The following ROBO1 variants were observed in gnomAD, a reference collection of about 807,000 sequenced individuals.
The protein encoded by ROBO1 is roundabout homolog 1.
In ROBO1, 149 loss-of-function variants were observed where a neutral mutation model predicts 195.9. The observed-to-expected ratio is 0.76, with a 90% confidence interval of 0.67 to 0.87. The LOEUF is 0.87. ROBO1 is among the 40% of genes least tolerant of loss of function. The probability of loss-of-function intolerance (pLI) is 0.00; values close to 1 mark genes in which losing one functional copy is unlikely to be tolerated. For synonymous variants in ROBO1, 816 were observed against 733.2 expected (o/e 1.11, Z -1.82); for missense variants, 1,933 against 2,068.3 (o/e 0.93, Z 1.27).
chr3:79,039,801 C>CAAA lies in ROBO1; in HGVS notation c.172+85652_172+85654dup, dbSNP rs1214691931. 1.4e-4 allele frequency among the ~76,000 whole-genome samples: 7 copies of CAAA among 51,320 alleles called. 1 individual carries two copies. Among genetic ancestry groups the CAAA allele is most frequent in the African/African-American group, 1.7e-4 (2 of 11,756 alleles). The allele number at this position is 51,320 out of a possible 152,430, so 33.7% of individuals were successfully genotyped here. On this transcript the variant is annotated intron_variant, in intron 3 of 30. Coordinates refer to ENST00000464233, the MANE Select transcript of ROBO1 (RefSeq NM_002941.4). ...TGGGCTACAAAGCAAGACTCCGTCT[C>CAAA]AAAAAAAAAAAAAAAAAAAGTTATG...
intron 3 of ROBO1, among the ~76,000 whole-genome samples, chr3:79,018,249 G>A (rs532765675): frequency 6.6e-6 from 1 of 152,252 alleles, no homozygotes; most frequent in Non-Finnish European, 1.5e-5. Flanking sequence ...CCCCAAATGC[G>A]AACTAGGAAC....
intron 2 of ROBO1, among the ~76,000 whole-genome samples, chr3:79,225,812 T>G (rs951914969): frequency 6.6e-6 from 1 of 152,182 alleles, no homozygotes; most frequent in African/African-American, 2.4e-5. Flanking sequence ...GTTGCTACCC[T>G]TTATCTTAAA....
intron 2 of ROBO1, among the ~76,000 whole-genome samples, chr3:79,301,079 C>G (rs1173713900): frequency 6.6e-6 from 1 of 152,130 alleles, no homozygotes; most frequent in African/African-American, 2.4e-5. Flanking sequence ...GCTGTGGAAG[C>G]TTTGTTCTTT....
intron 2 of ROBO1, among the ~76,000 whole-genome samples, chr3:79,575,415 A>AAT (rs1224275259): frequency 2.3e-5 from 3 of 127,876 alleles, no homozygotes; most frequent in Admixed American, 8.6e-5. Flanking sequence ...ATAGATAACA[A>AAT]ATATATATAT....
chr3:78,697,023 CT>C lies in ROBO1; in HGVS notation c.1046-8252del, dbSNP rs1201588186. Among the ~76,000 whole-genome samples the C allele has an allele frequency of 3.9e-4, 54 of 138,628 alleles. 1 individual carries two copies. Among genetic ancestry groups the C allele is most frequent in the Admixed American group, 3.0e-3 (41 of 13,456 alleles). The allele number at this position is 138,628 out of a possible 152,430, so 90.9% of individuals were successfully genotyped here. A position where few individuals can be genotyped will look rare whatever the true frequency, so the allele number is the denominator to read the frequency against. ...ACAGTATATTTTGACAAGAACCCCC[CT>C]GTCTCTCTCTGTCACACACAGACAC... On this transcript the variant is annotated intron_variant, in intron 8 of 30. Coordinates refer to ENST00000464233, the MANE Select transcript of ROBO1 (RefSeq NM_002941.4).
At chr3:79,510,761 C>T (rs897058604) in intron 2 of ROBO1, among the ~76,000 whole-genome samples, 3 of 152,064 alleles carry the variant, frequency 2.0e-5, no homozygotes, top group African/African-American at 7.2e-5. Context: ...ACAAGTTATT[C>T]TTGGCTCAAT....
chr3:78,781,764 T>C (rs1005394012), intron 4 of ROBO1, among the ~76,000 whole-genome samples: 1 of 152,120 alleles, frequency 6.6e-6, no homozygotes, highest in African/African-American at 2.4e-5. Context: ...AAGATAATAA[T>C]AGAAAATTTA....
At chr3:78,947,151 C>T (rs1301147219) in intron 3 of ROBO1, among the ~76,000 whole-genome samples, 1 of 152,154 alleles carries the variant, frequency 6.6e-6, no homozygotes, top group Non-Finnish European at 1.5e-5. Flanking sequence ...AGGAACTGAA[C>T]TCAGCTCTGC....
At position 79,338,684 on chromosome 3, in the gene ROBO1, T is replaced by C. The variant is rs137941096; in HGVS notation, c.89-213145A>G. 1.3e-3 allele frequency among the ~76,000 whole-genome samples: 198 copies of C among 152,296 alleles called. 1 individual carries two copies. Among genetic ancestry groups the C allele is most frequent in the African/African-American group, 4.5e-3 (187 of 41,574 alleles). On this transcript the variant is annotated intron_variant, in intron 2 of 30. Coordinates refer to ENST00000464233, the MANE Select transcript of ROBO1 (RefSeq NM_002941.4). The stretch of plus-strand genomic sequence containing the variant: ...GTTCTTTTGCATTCTCATTTGCTGG[T>C]AACTTCTCAGCTTCTCAAATTCTAA...
intron 2 of ROBO1, among the ~76,000 whole-genome samples, chr3:79,166,608 C>G (rs970037141): frequency 1.4e-5 from 2 of 147,900 alleles, no homozygotes; most frequent in East Asian, 3.9e-4. Context: ...CTCTGTCGCA[C>G]AGGCTGGAGT....
At chr3:78,929,286 C>T (rs1308422826) in intron 4 of ROBO1, among the ~76,000 whole-genome samples, 1 of 152,018 alleles carries the variant, frequency 6.6e-6, no homozygotes. Flanking sequence ...AATTAGGCCC[C>T]AGATAACCAG....
chr3:78,809,271 G>A (rs1302364076), intron 4 of ROBO1, among the ~76,000 whole-genome samples: 2 of 152,052 alleles, frequency 1.3e-5, no homozygotes, highest in African/African-American at 2.4e-5. Flanking sequence ...TTAGAGAAAC[G>A]CAAATCAAAA....
At chr3:78,894,913 G>A (rs574170297) in intron 4 of ROBO1, among the ~76,000 whole-genome samples, 6 of 152,222 alleles carry the variant, frequency 3.9e-5, no homozygotes, top group Non-Finnish European at 5.9e-5. Context: ...TGGAGCACAC[G>A]GAACAAAGCT....
intron 4 of ROBO1, among the ~76,000 whole-genome samples, chr3:78,876,449 C>T (rs568353337): frequency 3.5e-4 from 53 of 152,192 alleles, no homozygotes; most frequent in African/African-American, 1.1e-3. Flanking sequence ...CAGAGAAGTT[C>T]ATCTTAAGGT....
At chr3:79,079,897 G>A (rs973330386) in intron 3 of ROBO1, among the ~76,000 whole-genome samples, 3 of 151,728 alleles carry the variant, frequency 2.0e-5, no homozygotes, top group Admixed American at 6.6e-5. Flanking sequence ...GTACATCAGA[G>A]TCTATATTTT....
At chr3:78,676,510 G>A (rs535963260) in intron 10 of ROBO1, among the ~76,000 whole-genome samples, 5 of 152,284 alleles carry the variant, frequency 3.3e-5, no homozygotes, top group Admixed American at 6.5e-5. Flanking sequence ...GCCAAAGCTC[G>A]AGAACTACGT....
intron 2 of ROBO1, among the ~76,000 whole-genome samples, chr3:79,275,608 A>C (rs887686511): frequency 6.6e-6 from 1 of 152,118 alleles, no homozygotes; most frequent in African/African-American, 2.4e-5. Flanking sequence ...TTTACTCAGC[A>C]TAATACTAGA....
chr3:78,662,208 C>A, intron 14 of ROBO1, 94 bp from the exon 15 acceptor site: 2 of 1,145,158 alleles, frequency 1.7e-6, no homozygotes, highest in South Asian at 3.5e-5. Context: ...CATAGCAACT[C>A]TCAGTAAAGA....
At chr3:78,965,459 C>G (rs998720959) in intron 3 of ROBO1, among the ~76,000 whole-genome samples, 3 of 152,144 alleles carry the variant, frequency 2.0e-5, no homozygotes, top group Admixed American at 2.0e-4. Flanking sequence ...ATATTTAGGC[C>G]TTTCCTACTT....
Sources: gnomAD v4.1 joint callset for allele counts (sites outside exome capture counted in the v4.1 genomes callset) on GRCh38, gnomAD v4.1.1 for gene constraint, MANE v1.5 for transcripts, NCBI Gene and HGNC (gene_info 2026-07-23, HGNC 2026-07-21) for gene names.